The following PRDM2 variants were observed in gnomAD, a reference collection of about 807,000 sequenced individuals.
PRDM2 encodes PR domain zinc finger protein 2.
PRDM2 carries 30 observed loss-of-function variants against 130.0 expected under a neutral mutation model. The observed-to-expected ratio is 0.23, with a 90% CI of 0.17 to 0.31. The LOEUF (loss-of-function observed/expected upper bound fraction) is 0.31. Among genes scored for constraint, PRDM2 ranks in the 10% least tolerant of loss-of-function variants. The pLI is 1.00. For synonymous variants in PRDM2, 871 were observed against 782.4 expected, an observed-to-expected ratio of 1.11 and a Z score of -1.89; for missense variants, 2,011 against 2,108.4, an observed-to-expected ratio of 0.95 and a Z score of 0.90.
chr1:13,811,278 G>A (rs1391296660), intron 8 of PRDM2, among the ~76,000 whole-genome samples: 1 of 152,214 alleles, frequency 6.6e-6, no homozygotes, highest in Non-Finnish European at 1.5e-5. Flanking sequence ...GATTGTGAAG[G>A]TTAAGGGGCC....
intron 1 of PRDM2, among the ~76,000 whole-genome samples, chr1:13,701,783 G>T (rs567420669): frequency 2.6e-5 from 4 of 152,078 alleles, no homozygotes; most frequent in South Asian, 2.1e-4. Context: ...CATCTGTTTT[G>T]GTTTGATTGA....
intron 8 of PRDM2, chr1:13,783,145 T>C: frequency 3.6e-6 from 2 of 560,420 alleles, no homozygotes; most frequent in South Asian, 1.5e-5. Context: ...AAACTTCCTT[T>C]ATGTCTTGGG....
At chr1:13,750,079 A>C (rs1257623606) in intron 6 of PRDM2, among the ~76,000 whole-genome samples, 1 of 152,194 alleles carries the variant, frequency 6.6e-6, no homozygotes, top group Admixed American at 6.5e-5. Flanking sequence ...GGGATGTGGA[A>C]GTTAGAGAGC....
At chr1:13,736,401 TGCGA>T (rs1191850381) in intron 4 of PRDM2, among the ~76,000 whole-genome samples, 2 of 152,180 alleles carry the variant, frequency 1.3e-5, no homozygotes, top group African/African-American at 2.4e-5. Flanking sequence ...GGGTTACAGG[TGCGA>T]GCCACTGCAC....
intron 8 of PRDM2, among the ~76,000 whole-genome samples, chr1:13,814,947 T>A (rs1223363195): frequency 6.6e-6 from 1 of 152,232 alleles, no homozygotes; most frequent in African/African-American, 2.4e-5. Context: ...AGGCTCTTTG[T>A]GCCTCAGTTT....
intron 3 of PRDM2, among the ~76,000 whole-genome samples, chr1:13,731,418 A>G (rs2072919): frequency 0.036 from 5,436 of 152,170 alleles, 185 homozygotes; most frequent in East Asian, 0.13. Context: ...GCCTCACCCC[A>G]CAGAACGTGT....
intron 2 of PRDM2, among the ~76,000 whole-genome samples, chr1:13,718,210 G>T (rs1642608317): frequency 6.6e-6 from 1 of 152,136 alleles, no homozygotes; most frequent in Non-Finnish European, 1.5e-5. Context: ...AATCCCGATG[G>T]TTATTTTAGG....
chr1:13,777,386 T>G (rs776136495), intron 7 of PRDM2, among the ~76,000 whole-genome samples: 4 of 151,630 alleles, frequency 2.6e-5, no homozygotes, highest in Non-Finnish European at 4.4e-5. Flanking sequence ...CAAGTCAGAT[T>G]ATATATTTCC....
intron 9 of PRDM2, 113 bp from the exon 10 acceptor site, chr1:13,823,044 GTA>G: frequency 9.7e-7 from 1 of 1,030,762 alleles, no homozygotes; most frequent in African/African-American, 1.6e-5. Context: ...TCTATGTATG[GTA>G]TGTTTCAATA....
Position 13,780,476 on chromosome 1 carries a change from A to G in PRDM2, c.2681A>G (p.Asn894Ser), listed in dbSNP as rs1299040086. Residue 894 changes from asparagine (N) to serine (S), a missense_variant, in exon 8 of 10, where the codon AAT becomes AGT. This residue lies in a region of PRDM2 where 1,288 missense variants were observed against 1,237.7 expected (regional missense o/e 1.04). Coordinates refer to ENST00000311066, the MANE Select transcript of PRDM2 (RefSeq NM_001393986.1). ...TGCATGCTGCAGAAGGTTCTTCTCA[A>G]TGAATATAATGGCATCGATTTACCT... ...TTCMLQKVLL[N>S]EYNGIDLPVE... 47 of 1,614,064 alleles carry G rather than the reference A, an allele frequency of 2.9e-5. No homozygotes were observed. The highest frequency in any genetic ancestry group is 5.3e-5 in the African/African-American group (4 of 74,910).
At chr1:13,818,022 G>A (rs1245102584) in intron 9 of PRDM2, among the ~76,000 whole-genome samples, 1 of 152,206 alleles carries the variant, frequency 6.6e-6, no homozygotes, top group Non-Finnish European at 1.5e-5. Flanking sequence ...GGTTGGCACA[G>A]GACAGATGTT....
rs200363632 is a variant in PRDM2 at position 13,780,094 on chromosome 1, G to T, written c.2299G>T (p.Gly767Trp). 2 of 1,612,616 alleles carry T rather than the reference G, an allele frequency of 1.2e-6. No homozygotes were observed. Among genetic ancestry groups the T allele is most frequent in the African/African-American group, 2.7e-5 (2 of 74,842 alleles). The change falls in exon 8 of 10, where the codon GGG (glycine) becomes TGG (tryptophan). Residue 767 changes from glycine to tryptophan, a missense_variant. Gly to Trp is a radical substitution (Grantham distance 184). Around this residue, in one of 5 missense-constraint regions of PRDM2, gnomAD observed 1,288 missense variants for 1,237.7 expected, o/e 1.04. Coordinates refer to ENST00000311066, the MANE Select transcript of PRDM2 (RefSeq NM_001393986.1). ...TGGGAAAGCAGCATGGACCGATGCC[G>T]GGCTGACTTCCAAAAAATCCAAATT... ...SDGKAAWTDA[G>W]LTSKKSKLES...
chr1:13,816,598 G>T, intron 9 of PRDM2, 28 bp downstream of exon 9: 1 of 1,612,258 alleles, frequency 6.2e-7, no homozygotes, highest in South Asian at 1.1e-5. Flanking sequence ...ACAGCTTCTG[G>T]CACTGTTTGG....
intron 1 of PRDM2, among the ~76,000 whole-genome samples, chr1:13,708,702 A>G (rs1642281409): frequency 1.3e-5 from 2 of 152,152 alleles, no homozygotes; most frequent in Non-Finnish European, 2.9e-5. Context: ...TATCTCTTAT[A>G]TATTTGTAGG....
chr1:13,707,068 T>C (rs1161632023), intron 1 of PRDM2, among the ~76,000 whole-genome samples: 1 of 152,212 alleles, frequency 6.6e-6, no homozygotes, highest in East Asian at 1.9e-4. Context: ...GTTTAAGTTG[T>C]CATTTTATCT....
At chr1:13,724,766 T>C (rs761817336) in intron 2 of PRDM2, among the ~76,000 whole-genome samples, 8 of 152,202 alleles carry the variant, frequency 5.3e-5, no homozygotes, top group Non-Finnish European at 1.2e-4. Flanking sequence ...GTTCATGGCT[T>C]ATTTTTAAGG....
Position 13,749,396 on chromosome 1 carries a change from C to T in PRDM2, c.420C>T (p.Tyr140=), listed in dbSNP as rs1643730188. The T allele has an allele frequency of 1.3e-6, 2 of 1,503,846 alleles. No individual in the cohort carries two copies. The highest frequency in any genetic ancestry group is 1.8e-6 in the Non-Finnish European group (2 of 1,112,588). 93.2% of individuals were successfully genotyped at this position (1,503,846 alleles called of 1,614,324 possible). A position where few individuals can be genotyped will look rare whatever the true frequency, so the allele number is the denominator to read the frequency against. Residue 140 remains tyrosine, a synonymous_variant, in exon 6 of 10, where the codon TAC becomes TAT. Coordinates refer to ENST00000311066, the MANE Select transcript of PRDM2 (RefSeq NM_001393986.1). The part of the protein sequence containing the change: ...IAPGEELLVW[Y]NGEDNPEIAA... Reference sequence around the variant, plus strand: ...CGGGCGAGGAGCTCCTGGTCTGGTACAATGGGGAAGACAACCCTGAGATAG... The same window carrying T: ...CGGGCGAGGAGCTCCTGGTCTGGTATAATGGGGAAGACAACCCTGAGATAG...
chr1:13,715,679 T>A, intron 2 of PRDM2, 65 bp downstream of exon 2: 1 of 1,374,632 alleles, frequency 7.3e-7, no homozygotes, highest in Admixed American at 2.3e-5. Context: ...TCTTGATTTT[T>A]ACAAGATAGT....
intron 4 of PRDM2, chr1:13,738,812 A>C (rs984177716): frequency 1.3e-5 from 2 of 152,192 alleles, no homozygotes; most frequent in African/African-American, 4.8e-5. Flanking sequence ...TTGATACTGA[A>C]GACCCGTTTT....
Sources: allele counts gnomAD v4.1 joint callset (sites outside exome capture counted in the v4.1 genomes callset), GRCh38; gene constraint gnomAD v4.1.1; regional missense constraint gnomAD v4.1.1; transcripts MANE v1.5; gene names NCBI Gene and HGNC (gene_info 2026-07-23, HGNC 2026-07-21).